Variants in ADCY5 observed in about 807,000 individuals in gnomAD.
ADCY5 encodes adenylate cyclase 5, also known as adenylate cyclase type 5.
A neutral mutation model predicts 119.7 loss-of-function variants in ADCY5; 30 were observed. The observed-to-expected ratio is 0.25, with a 90% CI of 0.19 to 0.34. ADCY5 has a LOEUF of 0.34. Among genes scored for constraint, ADCY5 ranks in the 10% least tolerant of loss-of-function variants. The pLI is 1.00. For synonymous variants in ADCY5, 753 were observed against 762.2 expected (o/e 0.99, Z 0.20); for missense variants, 1,324 against 1,775.2 (o/e 0.75, Z 4.57).
intron 18 of ADCY5, 112 bp from the exon 19 acceptor site, chr3:123,290,066 C>T (rs1939048270): frequency 1.9e-6 from 2 of 1,054,954 alleles, no homozygotes; most frequent in Admixed American, 2.0e-5. Flanking sequence ...CATGTGTCCG[C>T]TCTTCACACA....
chr3:123,291,010 C>T lies in ADCY5; in HGVS notation c.3327+103G>A, dbSNP rs541884440. The T allele has an allele frequency of 1.2e-5, 17 of 1,425,338 alleles. No individual in the cohort carries two copies. In the South Asian group the frequency reaches 2.5e-4, roughly 21 times the overall value. 88.3% of individuals were successfully genotyped at this position (1,425,338 alleles called of 1,614,324 possible). On this transcript the variant is annotated intron_variant, in intron 18 of 20. Coordinates refer to ENST00000462833, the MANE Select transcript of ADCY5 (RefSeq NM_183357.3). ...GAGCTCCCATCATCACTGCTTATGT[C>T]ACGATGGTAGAAGGGGGCGCCAGGT... is the stretch of plus-strand genomic sequence containing the variant.
chr3:123,365,955 A>G (rs1344440461), intron 1 of ADCY5, among the ~76,000 whole-genome samples: 1 of 152,132 alleles, frequency 6.6e-6, no homozygotes, highest in Non-Finnish European at 1.5e-5. Context: ...TGAGCTGTCC[A>G]CCAGGGGAGC....
intron 1 of ADCY5, among the ~76,000 whole-genome samples, chr3:123,396,037 G>GGAGGGAGGGAGAGAGA (rs1944543569): frequency 2.7e-5 from 2 of 74,492 alleles, no homozygotes; most frequent in African/African-American, 1.3e-4. Flanking sequence ...AGGGAGAGAG[G>GGAGGGAGGGAGAGAGA]GAGGGAGGGA....
intron 1 of ADCY5, among the ~76,000 whole-genome samples, chr3:123,388,915 C>T (rs1242093607): frequency 1.3e-5 from 2 of 152,122 alleles, no homozygotes; most frequent in Non-Finnish European, 2.9e-5. Context: ...GAGATGGAGG[C>T]ACGCCAGGGA....
intron 12 of ADCY5, among the ~76,000 whole-genome samples, chr3:123,309,413 T>C (rs1576552304): frequency 6.6e-6 from 1 of 152,308 alleles, no homozygotes. Context: ...CTGGATATAT[T>C]AGCACAGGCA....
rs1292991195 is a variant in ADCY5 at position 123,449,031 on chromosome 3, G to C, written c.-486C>G. ...TCGGCGGCGGCGAGGGCGGCTCGGC[G>C]GGGGTCCCGGCGAAGAGACACTGCG... On this transcript the variant is annotated 5_prime_UTR_variant, in exon 1 of 21. Coordinates refer to ENST00000462833, the MANE Select transcript of ADCY5 (RefSeq NM_183357.3). 6.5e-6 allele frequency: 1 copy of C among 154,986 alleles called. No individual in the cohort carries two copies. The highest frequency in any genetic ancestry group is 1.4e-5 in the Non-Finnish European group (1 of 69,920). The allele number at this position is 154,986 out of a possible 1,614,324, so 9.6% of individuals were successfully genotyped here.
intron 3 of ADCY5, among the ~76,000 whole-genome samples, chr3:123,345,628 A>G (rs1942495154): frequency 6.6e-6 from 1 of 152,136 alleles, no homozygotes; most frequent in African/African-American, 2.4e-5. Flanking sequence ...ATCTGTTCTA[A>G]TAGGGAAGTC....
At chr3:123,290,010 A>G (rs1468557667) in intron 18 of ADCY5, 56 bp from the exon 19 acceptor site, 3 of 1,565,860 alleles carry the variant, frequency 1.9e-6, no homozygotes, top group Non-Finnish European at 2.6e-6. Flanking sequence ...CGAGGGCCAC[A>G]GGGAGGGACA....
At chr3:123,301,917 G>A (rs1186113584) in intron 14 of ADCY5, among the ~76,000 whole-genome samples, 1 of 151,946 alleles carries the variant, frequency 6.6e-6, no homozygotes, top group Non-Finnish European at 1.5e-5. Flanking sequence ...CAGCCCAGGG[G>A]TGGGGCGGAG....
intron 1 of ADCY5, among the ~76,000 whole-genome samples, chr3:123,422,833 G>A (rs1313118754): frequency 6.6e-6 from 1 of 152,252 alleles, no homozygotes; most frequent in African/African-American, 2.4e-5. Flanking sequence ...CATTTCAGGG[G>A]AGGGGGCAAG....
At chr3:123,373,192 A>C (rs1473760217) in intron 1 of ADCY5, among the ~76,000 whole-genome samples, 1 of 152,248 alleles carries the variant, frequency 6.6e-6, no homozygotes, top group Non-Finnish European at 1.5e-5. Context: ...ACACAAATCA[A>C]GTAATGACTG....
intron 1 of ADCY5, among the ~76,000 whole-genome samples, chr3:123,353,466 T>C (rs1441981743): frequency 2.0e-5 from 3 of 152,210 alleles, no homozygotes; most frequent in Non-Finnish European, 4.4e-5. Context: ...GTTGTTGTCC[T>C]TGACTTGGGG....
intron 1 of ADCY5, among the ~76,000 whole-genome samples, chr3:123,363,145 A>G (rs1943316728): frequency 8.1e-6 from 1 of 122,986 alleles, no homozygotes; most frequent in South Asian, 3.1e-4. Flanking sequence ...TCCTTCTTGA[A>G]AAAAAAAAAA....
At position 123,377,477 on chromosome 3, in the gene ADCY5, C is replaced by A. The variant is rs574224764; in HGVS notation, c.1135-24896G>T. Among the ~76,000 whole-genome samples, 6 of 152,248 alleles carry A rather than the reference C, an allele frequency of 3.9e-5. No individual in the cohort carries two copies. The South Asian group carries it at 1.0e-3, about 26-fold the overall frequency. ...GCTTCTCTGACCTCTCAGAGTGGGTCCCCCCACAACAGCCATCATAGGCCC... is the reference window on the plus strand; with the variant it reads ...GCTTCTCTGACCTCTCAGAGTGGGTACCCCCACAACAGCCATCATAGGCCC... On this transcript the variant is annotated intron_variant, in intron 1 of 20. Coordinates refer to ENST00000462833, the MANE Select transcript of ADCY5 (RefSeq NM_183357.3).
chr3:123,340,018 A>C (rs1459528826), intron 3 of ADCY5, among the ~76,000 whole-genome samples: 1 of 152,240 alleles, frequency 6.6e-6, no homozygotes, highest in Non-Finnish European at 1.5e-5. Context: ...TGCCACGCAC[A>C]GTGGCTCATG....
At chr3:123,371,975 T>C (rs575287791) in intron 1 of ADCY5, among the ~76,000 whole-genome samples, 40 of 152,270 alleles carry the variant, frequency 2.6e-4, no homozygotes, top group Middle Eastern at 3.4e-3. Flanking sequence ...AGAGGAGGGC[T>C]TGGGGGCTTG....
At chr3:123,336,201 C>A (rs1333314527) in intron 3 of ADCY5, among the ~76,000 whole-genome samples, 6 of 152,188 alleles carry the variant, frequency 3.9e-5, no homozygotes, top group Admixed American at 3.9e-4. Flanking sequence ...CTGCAGAACC[C>A]CATCCTGGCC....
intron 1 of ADCY5, among the ~76,000 whole-genome samples, chr3:123,370,719 G>A (rs1389796511): frequency 6.6e-6 from 1 of 152,178 alleles, no homozygotes; most frequent in Non-Finnish European, 1.5e-5. Flanking sequence ...TGTTACGGCA[G>A]CTTAGCCTTG....
chr3:123,300,422 AT>A, intron 14 of ADCY5, 127 bp from the exon 15 acceptor site: 2 of 1,090,406 alleles, frequency 1.8e-6, no homozygotes, highest in Non-Finnish European at 2.6e-6. Context: ...GCTGATGTAA[AT>A]TTCCCAACAG....
Sources: allele counts gnomAD v4.1 joint callset (sites outside exome capture counted in the v4.1 genomes callset), GRCh38; gene constraint gnomAD v4.1.1; transcripts MANE v1.5; gene names NCBI Gene and HGNC (gene_info 2026-07-23, HGNC 2026-07-21).